RNF216: variants seen among roughly 807,000 people sequenced by gnomAD.
RNF216 encodes the protein E3 ubiquitin-protein ligase RNF216.
Under a neutral mutation model 110.8 loss-of-function variants are expected in RNF216, and 72 were observed. That is an observed-to-expected ratio of 0.65 (90% CI 0.54 to 0.79). The LOEUF (loss-of-function observed/expected upper bound fraction) is 0.79, where lower values mean the gene tolerates loss of function less well. Among genes scored for constraint, RNF216 ranks in the 30% least tolerant of loss-of-function variants. RNF216 has a pLI of 0.00. For missense variants in RNF216, 1,342 were observed against 1,141.2 expected, an observed-to-expected ratio of 1.18 and a Z score of -2.54; for synonymous variants, 495 against 407.5, an observed-to-expected ratio of 1.21 and a Z score of -2.59.
rs776919008 is a variant in RNF216 at position 5,739,262 on chromosome 7, G to A, written c.1121+14C>T. 3 of 1,537,428 alleles carry A rather than the reference G, an allele frequency of 2.0e-6. No individual in the cohort carries two copies. The highest frequency in any genetic ancestry group is 1.7e-4 in the Middle Eastern group (1 of 5,732). On this transcript the variant is annotated intron_variant, in intron 5 of 16. Coordinates refer to ENST00000389902, the MANE Select transcript of RNF216 (RefSeq NM_207111.4). ...ACCACCACCACCACAAAAAAAGCAT[G>A]GTAGTATACTTACACATTCAGATCA...
At chr7:5,763,764 G>T (rs1405361052) in intron 1 of RNF216, among the ~76,000 whole-genome samples, 1 of 152,020 alleles carries the variant, frequency 6.6e-6, no homozygotes, top group African/African-American at 2.4e-5. Context: ...GTAGAGACAG[G>T]GTCTCACTAT....
intron 1 of RNF216, among the ~76,000 whole-genome samples, chr7:5,768,915 C>T (rs1175964933): frequency 1.3e-5 from 2 of 151,984 alleles, no homozygotes; most frequent in African/African-American, 2.4e-5. Context: ...CCCGCCTCGA[C>T]CTCCCAAAGT....
chr7:5,745,803 G>A lies in RNF216; in HGVS notation c.202-3988C>T, dbSNP rs138944841. On this transcript the variant is annotated intron_variant, in intron 3 of 16. Transcript: ENST00000389902. ...TAATCCCAGCTACTCTCGGGAGGCT[G>A]AGGCAGGATAATTGCTTAAACTCGG... Among the ~76,000 whole-genome samples the A allele has an allele frequency of 3.1e-3, 468 of 151,028 alleles. 2 individuals carry two copies. The highest frequency in any genetic ancestry group is 0.011 in the African/African-American group (452 of 41,076).
chr7:5,721,118 C>T lies in RNF216; in HGVS notation c.1559G>A (p.Cys520Tyr). 1 of 1,613,988 alleles carries T rather than the reference C, an allele frequency of 6.2e-7. No individual in the cohort carries two copies. The highest frequency in any genetic ancestry group is 8.5e-7 in the Non-Finnish European group (1 of 1,179,838). Residue 520 changes from cysteine to tyrosine, a missense_variant, in exon 9 of 17, where the codon TGT (cysteine) becomes TAT (tyrosine). By Grantham distance (194) the Cys-to-Tyr change is radical (BLOSUM62 -2). Coordinates refer to ENST00000389902, the MANE Select transcript of RNF216 (RefSeq NM_207111.4). ...MFFLENKRRH[C>Y]RSYDRRALLP... ...GAGAGCACGTCGGTCATAGGACCTACAATGTCGTCGCTTATTTTCAAGAAA... is the reference window on the plus strand; with the variant it reads ...GAGAGCACGTCGGTCATAGGACCTATAATGTCGTCGCTTATTTTCAAGAAA...
chr7:5,630,110 A>G (rs1052878297), intron 15 of RNF216, among the ~76,000 whole-genome samples: 4 of 152,070 alleles, frequency 2.6e-5, no homozygotes, highest in Admixed American at 1.3e-4. Context: ...AGGAGGAGCC[A>G]GGGGCTGAGC....
chr7:5,692,837 T>C (rs1791416345), intron 13 of RNF216, among the ~76,000 whole-genome samples: 1 of 152,240 alleles, frequency 6.6e-6, no homozygotes, highest in Non-Finnish European at 1.5e-5. Flanking sequence ...ACTAAGTTAA[T>C]GACAATGGGT....
chr7:5,663,092 G>A (rs1181266099), intron 13 of RNF216, among the ~76,000 whole-genome samples: 2 of 152,206 alleles, frequency 1.3e-5, no homozygotes, highest in African/African-American at 4.8e-5. Context: ...AATGACCCGG[G>A]AAGAGCTGGC....
At chr7:5,726,713 G>T (rs1252885930) in intron 7 of RNF216, among the ~76,000 whole-genome samples, 1 of 152,094 alleles carries the variant, frequency 6.6e-6, no homozygotes, top group Non-Finnish European at 1.5e-5. Context: ...CAAAAAATTA[G>T]CTGGACGTGG....
intron 13 of RNF216, among the ~76,000 whole-genome samples, chr7:5,709,644 GGT>G (rs1792536394): frequency 6.6e-6 from 1 of 152,092 alleles, no homozygotes; most frequent in African/African-American, 2.4e-5. Context: ...AAACATATGT[GGT>G]GTTCCTATTT....
At chr7:5,714,366 C>A (rs528521986) in intron 11 of RNF216, among the ~76,000 whole-genome samples, 78 of 152,350 alleles carry the variant, frequency 5.1e-4, no homozygotes, top group African/African-American at 1.9e-3. Flanking sequence ...TCAACCAATT[C>A]TCCTGCCTCA....
At chr7:5,689,118 T>C (rs904121406) in intron 13 of RNF216, among the ~76,000 whole-genome samples, 3 of 152,048 alleles carry the variant, frequency 2.0e-5, no homozygotes, top group Admixed American at 2.0e-4. Context: ...CATCAGTGCC[T>C]TGTGAGCCAA....
intron 13 of RNF216, among the ~76,000 whole-genome samples, chr7:5,678,335 T>C (rs1790436153): frequency 6.6e-6 from 1 of 152,194 alleles, no homozygotes; most frequent in South Asian, 2.1e-4. Context: ...ATATATTACC[T>C]GCGTTTCATA....
intron 3 of RNF216, among the ~76,000 whole-genome samples, chr7:5,748,845 C>T (rs887175582): frequency 6.6e-6 from 1 of 152,036 alleles, no homozygotes; most frequent in Non-Finnish European, 1.5e-5. Context: ...CACCCCTAAC[C>T]ACCATGTTGT....
intron 1 of RNF216, among the ~76,000 whole-genome samples, chr7:5,773,725 T>C (rs1188284977): frequency 6.6e-6 from 1 of 151,902 alleles, no homozygotes; most frequent in Non-Finnish European, 1.5e-5. Context: ...CGTGCCACCA[T>C]GCTGGTTAAT....
intron 2 of RNF216, among the ~76,000 whole-genome samples, chr7:5,754,508 T>C (rs1053252161): frequency 6.6e-6 from 1 of 151,942 alleles, no homozygotes; most frequent in Non-Finnish European, 1.5e-5. Flanking sequence ...AGCTCCTCAC[T>C]TAGCCATTTC....
intron 14 of RNF216, among the ~76,000 whole-genome samples, chr7:5,651,586 GT>G (rs1788390674): frequency 1.3e-5 from 2 of 152,038 alleles, no homozygotes; most frequent in African/African-American, 4.8e-5. Context: ...CAGCTGCATG[GT>G]AAGGCTAGAT....
chr7:5,718,928 G>C (rs1170713400), intron 9 of RNF216, among the ~76,000 whole-genome samples: 1 of 152,114 alleles, frequency 6.6e-6, no homozygotes, highest in Non-Finnish European at 1.5e-5. Flanking sequence ...AAAGTGCTGG[G>C]ATTACATGCA....
At chr7:5,643,830 A>AT (rs1787888640) in intron 14 of RNF216, among the ~76,000 whole-genome samples, 1 of 152,188 alleles carries the variant, frequency 6.6e-6, no homozygotes, top group South Asian at 2.1e-4. Flanking sequence ...CTAAGCAGGC[A>AT]TTCCCCATTC....
At chr7:5,676,018 T>C (rs1584430531) in intron 13 of RNF216, among the ~76,000 whole-genome samples, 1 of 139,740 alleles carries the variant, frequency 7.2e-6, no homozygotes, top group East Asian at 2.0e-4. Flanking sequence ...CCTCTTCTTT[T>C]TTCTTTTTTT....
Sources: gnomAD v4.1 joint callset for allele counts (sites outside exome capture counted in the v4.1 genomes callset) on GRCh38, gnomAD v4.1.1 for gene constraint, MANE v1.5 for transcripts, NCBI Gene and HGNC (gene_info 2026-07-23, HGNC 2026-07-21) for gene names.